The following ZNF277 variants were observed in gnomAD, a reference collection of about 807,000 sequenced individuals.
ZNF277 encodes nuclear receptor-interacting factor 4.
In ZNF277, 55 loss-of-function variants were observed where a neutral mutation model predicts 60.7. The ratio of observed to expected loss-of-function variants is 0.91; its 90% CI spans 0.73 to 1.13. ZNF277 has a LOEUF of 1.13. ZNF277 is among the 50% of genes most tolerant of loss of function. ZNF277 has a pLI of 0.00. For synonymous variants in ZNF277, 178 were observed against 179.3 expected (o/e 0.99, Z 0.06); for missense variants, 510 against 523.0 (o/e 0.98, Z 0.24).
intron 4 of ZNF277, among the ~76,000 whole-genome samples, chr7:112,299,107 C>G (rs539958326): frequency 6.6e-6 from 1 of 152,200 alleles, no homozygotes; most frequent in East Asian, 1.9e-4. Context: ...AAAGACTTGC[C>G]AAACAGCAGG....
chr7:112,322,462 TATTTC>T (rs1323281635), intron 5 of ZNF277, among the ~76,000 whole-genome samples: 1 of 152,106 alleles, frequency 6.6e-6, no homozygotes, highest in Non-Finnish European at 1.5e-5. Flanking sequence ...GTCAATTTCT[TATTTC>T]AGTTATTGTA....
chr7:112,234,305 A>G (rs1179830642), intron 1 of ZNF277, among the ~76,000 whole-genome samples: 1 of 152,202 alleles, frequency 6.6e-6, no homozygotes, highest in Non-Finnish European at 1.5e-5. Context: ...GTAAACAACA[A>G]GAATTTATTT....
intron 6 of ZNF277, among the ~76,000 whole-genome samples, chr7:112,328,734 GT>G (rs1174232627): frequency 5.9e-5 from 9 of 152,076 alleles, no homozygotes; most frequent in African/African-American, 2.2e-4. Flanking sequence ...GCCGGGCATG[GT>G]GGTGCATGCC....
intron 1 of ZNF277, among the ~76,000 whole-genome samples, chr7:112,225,581 G>A (rs1822153575): frequency 6.6e-6 from 1 of 151,968 alleles, no homozygotes. Flanking sequence ...TCTACAAATA[G>A]GGCACAATTC....
chr7:112,250,700 C>T lies in ZNF277; in HGVS notation c.92-36173C>T, dbSNP rs527333449. 1.3e-5 allele frequency among the ~76,000 whole-genome samples: 2 copies of T among 152,220 alleles called. 1 individual carries two copies. Among genetic ancestry groups the T allele is most frequent in the South Asian group, 4.2e-4 (2 of 4,818 alleles). ...TAGTTGAGAGTAGTGTTTTCAGGCACCCTGCCCTGATAATGTTTTATTTTT... is the reference window on the plus strand; with the variant it reads ...TAGTTGAGAGTAGTGTTTTCAGGCATCCTGCCCTGATAATGTTTTATTTTT... On this transcript the variant is annotated intron_variant, in intron 1 of 11. Transcript: ENST00000361822.
At chr7:112,251,573 C>T (rs1791200778) in intron 1 of ZNF277, among the ~76,000 whole-genome samples, 1 of 152,096 alleles carries the variant, frequency 6.6e-6, no homozygotes, top group South Asian at 2.1e-4. Flanking sequence ...TTCTTTTCCC[C>T]AATGGGGAAG....
At chr7:112,236,047 T>C (rs1467792307) in intron 1 of ZNF277, among the ~76,000 whole-genome samples, 1 of 152,068 alleles carries the variant, frequency 6.6e-6, no homozygotes, top group Non-Finnish European at 1.5e-5. Context: ...ATAGACCATA[T>C]ATGTGGGGTT....
At position 112,281,354 on chromosome 7, in the gene ZNF277, A is replaced by G. The variant is rs556974232; in HGVS notation, c.92-5519A>G. Among the ~76,000 whole-genome samples the G allele has an allele frequency of 2.4e-3, 366 of 152,356 alleles. 2 individuals carry two copies. The highest frequency in any genetic ancestry group is 3.6e-3 in the Non-Finnish European group (246 of 68,020). On this transcript the variant is annotated intron_variant, in intron 1 of 11. Transcript: ENST00000361822. ...CTAAGCTAAAATGTATTCAGGATTC[A>G]GGTCTATCTCATATAAACATCCTCT...
chr7:112,218,238 A>C (rs2116957109), intron 1 of ZNF277, among the ~76,000 whole-genome samples: 1 of 152,352 alleles, frequency 6.6e-6, no homozygotes, highest in African/African-American at 2.4e-5. Context: ...TAATCAGGTA[A>C]CAATGTACTG....
chr7:112,250,014 C>T (rs1988517), intron 1 of ZNF277, among the ~76,000 whole-genome samples: 1,774 of 152,236 alleles, frequency 0.012, 16 homozygotes, highest in Middle Eastern at 0.027. Context: ...AAACTCTGAC[C>T]GCCGGTGAGC....
chr7:112,286,545 C>G (rs1172601415), intron 1 of ZNF277, among the ~76,000 whole-genome samples: 1 of 152,132 alleles, frequency 6.6e-6, no homozygotes, highest in African/African-American at 2.4e-5. Context: ...GCAGCCTTCC[C>G]CCTTGCAAGT....
At chr7:112,324,207 A>G (rs1207709475) in intron 5 of ZNF277, among the ~76,000 whole-genome samples, 1 of 152,238 alleles carries the variant, frequency 6.6e-6, no homozygotes, top group African/African-American at 2.4e-5. Context: ...GAACACTTAC[A>G]TTAGCCTACA....
At chr7:112,272,596 C>T (rs540914802) in intron 1 of ZNF277, among the ~76,000 whole-genome samples, 5 of 152,250 alleles carry the variant, frequency 3.3e-5, no homozygotes, top group South Asian at 2.1e-4. Flanking sequence ...CAGATTCAAA[C>T]GATTCTCCTC....
chr7:112,310,581 A>G (rs1792708667), intron 4 of ZNF277, among the ~76,000 whole-genome samples: 1 of 151,884 alleles, frequency 6.6e-6, no homozygotes, highest in Non-Finnish European at 1.5e-5. Flanking sequence ...ATTGTTCTGT[A>G]GCAGCTTGAA....
At chr7:112,210,465 G>GTTTT (rs66533644) in intron 1 of ZNF277, among the ~76,000 whole-genome samples, 1 of 132,684 alleles carries the variant, frequency 7.5e-6, no homozygotes. Flanking sequence ...TTTGTTTTTT[G>GTTTT]TTTTTTTTTT....
At chr7:112,221,030 C>T (rs1003234271) in intron 1 of ZNF277, among the ~76,000 whole-genome samples, 6 of 152,096 alleles carry the variant, frequency 3.9e-5, no homozygotes, top group Non-Finnish European at 5.9e-5. Flanking sequence ...CTTTGTCCAC[C>T]ACTGCTGTTT....
chr7:112,264,775 A>C (rs1791511823), intron 1 of ZNF277, among the ~76,000 whole-genome samples: 1 of 152,178 alleles, frequency 6.6e-6, no homozygotes, highest in African/African-American at 2.4e-5. Context: ...TACATGTAAA[A>C]GTTATATTTA....
intron 1 of ZNF277, among the ~76,000 whole-genome samples, chr7:112,273,099 C>T (rs1399696015): frequency 1.3e-5 from 2 of 152,224 alleles, no homozygotes; most frequent in Non-Finnish European, 2.9e-5. Context: ...CTCCCCACAT[C>T]CGCTGGCTCT....
chr7:112,309,037 G>T (rs551226628), intron 4 of ZNF277, among the ~76,000 whole-genome samples: 5 of 152,100 alleles, frequency 3.3e-5, no homozygotes, highest in African/African-American at 1.2e-4. Context: ...TTTCCCCCAG[G>T]TATAAGAGAG....
Sources: gnomAD v4.1 joint callset for allele counts (sites outside exome capture counted in the v4.1 genomes callset) on GRCh38, gnomAD v4.1.1 for gene constraint, MANE v1.5 for transcripts, NCBI Gene and HGNC (gene_info 2026-07-23, HGNC 2026-07-21) for gene names.